The following FSHR variants were observed in gnomAD, a reference collection of about 807,000 sequenced individuals.
FSHR encodes the protein follicle stimulating hormone receptor.
In FSHR, 46 loss-of-function variants were observed where a neutral mutation model predicts 52.1. The ratio of observed to expected loss-of-function variants is 0.88; its 90% CI spans 0.70 to 1.13. The LOEUF (loss-of-function observed/expected upper bound fraction) is 1.13, where lower values mean the gene tolerates loss of function less well. FSHR is among the 50% of genes most tolerant of loss of function. FSHR has a pLI of 0.00. For synonymous variants in FSHR, 399 were observed against 309.6 expected, an observed-to-expected ratio of 1.29 and a Z score of -3.03; for missense variants, 964 against 834.6, an observed-to-expected ratio of 1.16 and a Z score of -1.91.
intron 1 of FSHR, among the ~76,000 whole-genome samples, chr2:49,088,154 C>T (rs1670468675): frequency 1.3e-5 from 2 of 152,114 alleles, no homozygotes; most frequent in African/African-American, 4.8e-5. Context: ...CCTGTCTGGT[C>T]CCAAAGCCCA....
chr2:49,066,803 T>C (rs1232409286), intron 2 of FSHR, among the ~76,000 whole-genome samples: 3 of 152,138 alleles, frequency 2.0e-5, no homozygotes, highest in Non-Finnish European at 4.4e-5. Context: ...TTGTGACATC[T>C]GAAATGCCTG....
chr2:48,977,215 A>C (rs1033884798), intron 8 of FSHR, among the ~76,000 whole-genome samples: 1 of 152,196 alleles, frequency 6.6e-6, no homozygotes, highest in Admixed American at 6.5e-5. Flanking sequence ...GAGGCCCAGA[A>C]CATAAATCAT....
Position 48,963,713 on chromosome 2 carries a change from A to G in FSHR, c.1108T>C (p.Trp370Arg). 2 of 1,614,186 alleles carry G rather than the reference A, an allele frequency of 1.2e-6. No individual in the cohort carries two copies. Among genetic ancestry groups the G allele is most frequent in the Non-Finnish European group, 1.7e-6 (2 of 1,180,018 alleles). Residue 370 changes from tryptophan (W) to arginine (R), a missense_variant, in exon 10 of 10, where the codon TGG becomes CGG. Trp to Arg is a moderately radical substitution (Grantham distance 101). Transcript: ENST00000406846. The part of the protein sequence containing the change: ...MGYNILRVLI[W>R]FISILAITGN... Reference sequence around the variant, plus strand: ...GTGATGGCCAGGATGCTGATAAACCATATCAGGACTCTGAGGATGTTGTAC... The same window carrying G: ...GTGATGGCCAGGATGCTGATAAACCGTATCAGGACTCTGAGGATGTTGTAC...
chr2:49,031,195 G>A (rs1463982984), intron 2 of FSHR, among the ~76,000 whole-genome samples: 1 of 152,148 alleles, frequency 6.6e-6, no homozygotes, highest in East Asian at 1.9e-4. Flanking sequence ...CTGGCTCTGT[G>A]CGGAGGGAGA....
At chr2:49,147,927 G>C (rs1163085107) in intron 1 of FSHR, among the ~76,000 whole-genome samples, 1 of 151,936 alleles carries the variant, frequency 6.6e-6, no homozygotes, top group Non-Finnish European at 1.5e-5. Context: ...AAGGCTATAG[G>C]AGACTCCAAA....
chr2:49,061,725 A>T, intron 2 of FSHR, among the ~76,000 whole-genome samples: 4 of 139,312 alleles, frequency 2.9e-5, no homozygotes, highest in South Asian at 2.2e-4. Flanking sequence ...ACTATATATA[A>T]AAATATATAG....
chr2:49,101,350 G>A (rs1368571984), intron 1 of FSHR, among the ~76,000 whole-genome samples: 2 of 152,072 alleles, frequency 1.3e-5, no homozygotes, highest in Non-Finnish European at 2.9e-5. Flanking sequence ...ATAGGGTGGA[G>A]TCCCTCCAGA....
intron 1 of FSHR, among the ~76,000 whole-genome samples, chr2:49,092,626 A>G (rs1470117148): frequency 6.6e-6 from 1 of 152,014 alleles, no homozygotes. Flanking sequence ...CATTGTATAA[A>G]TTATAGTGTT....
chr2:48,987,093 C>A (rs1389114791), intron 6 of FSHR, among the ~76,000 whole-genome samples: 1 of 152,048 alleles, frequency 6.6e-6, no homozygotes, highest in Admixed American at 6.5e-5. Context: ...GTGAAGTAAC[C>A]CAGGAATCCT....
rs953093517 is a variant in FSHR at position 48,962,699 on chromosome 2, C to T, written c.*34G>A. ...CCCTTCAAAGGCAAGACTGAATTAT[C>T]ATTCAATACTCAGATACATTTTCAC... On this transcript the variant is annotated 3_prime_UTR_variant, in exon 10 of 10. Transcript: ENST00000406846. The T allele has an allele frequency of 1.3e-6, 2 of 1,594,246 alleles. No individual in the cohort carries two copies. Among genetic ancestry groups the T allele is most frequent in the African/African-American group, 2.7e-5 (2 of 74,502 alleles).
intron 4 of FSHR, among the ~76,000 whole-genome samples, chr2:49,008,045 A>G (rs1667130466): frequency 6.6e-6 from 1 of 151,006 alleles, no homozygotes; most frequent in South Asian, 2.1e-4. Context: ...TTTTTATTAT[A>G]CTTTAAGTTT....
At chr2:49,001,645 A>T (rs1487408592) in intron 4 of FSHR, among the ~76,000 whole-genome samples, 2 of 152,186 alleles carry the variant, frequency 1.3e-5, no homozygotes, top group Non-Finnish European at 2.9e-5. Context: ...TTAATTATTT[A>T]GAAAGCTATT....
At chr2:49,062,053 C>G (rs1208369486) in intron 2 of FSHR, among the ~76,000 whole-genome samples, 3 of 151,632 alleles carry the variant, frequency 2.0e-5, no homozygotes, top group African/African-American at 7.3e-5. Context: ...GCAATTCAGA[C>G]CAAATGGACT....
intron 1 of FSHR, among the ~76,000 whole-genome samples, chr2:49,115,749 A>G (rs753846471): frequency 1.2e-4 from 18 of 152,180 alleles, no homozygotes; most frequent in Non-Finnish European, 2.2e-4. Flanking sequence ...AGGTGTCTTC[A>G]TTCATTTTGC....
chr2:49,066,734 G>A (rs143891950), intron 2 of FSHR, among the ~76,000 whole-genome samples: 168 of 152,126 alleles, frequency 1.1e-3, no homozygotes, highest in African/African-American at 3.8e-3. Context: ...GCCTGATACT[G>A]AATACCCAAT....
chr2:49,152,547 C>T (rs934866259), intron 1 of FSHR, among the ~76,000 whole-genome samples: 1 of 150,820 alleles, frequency 6.6e-6, no homozygotes, highest in Admixed American at 6.6e-5. Context: ...CTTTTTTGGC[C>T]TATGTTTTCT....
chr2:49,107,000 T>C (rs2103741413), intron 1 of FSHR, among the ~76,000 whole-genome samples: 1 of 152,328 alleles, frequency 6.6e-6, no homozygotes, highest in South Asian at 2.1e-4. Context: ...TATTGTAATT[T>C]GTTTTCTACA....
At chr2:48,979,989 C>T (rs1002029823) in intron 8 of FSHR, among the ~76,000 whole-genome samples, 7 of 152,154 alleles carry the variant, frequency 4.6e-5, no homozygotes, top group African/African-American at 1.7e-4. Context: ...ACCTCTCAGG[C>T]CAGGGTTTAG....
intron 6 of FSHR, 119 bp from the exon 7 acceptor site, chr2:48,983,285 C>G (rs1320347484): frequency 3.5e-6 from 3 of 862,572 alleles, no homozygotes; most frequent in African/African-American, 3.3e-5. Flanking sequence ...AAGAAAATGC[C>G]ACTTTTAAAG....
Sources: gnomAD v4.1 joint callset for allele counts (sites outside exome capture counted in the v4.1 genomes callset) on GRCh38, gnomAD v4.1.1 for gene constraint, MANE v1.5 for transcripts, NCBI Gene and HGNC (gene_info 2026-07-23, HGNC 2026-07-21) for gene names.